Variants in ATPSCKMT observed in about 807,000 individuals in gnomAD.
ATPSCKMT encodes the protein ATP synthase subunit C lysine N-methyltransferase.
ATPSCKMT carries 24 observed loss-of-function variants against 24.3 expected under a neutral mutation model. That is an observed-to-expected ratio of 0.99 (90% CI 0.71 to 1.39). The LOEUF is 1.39. Ranked by LOEUF, ATPSCKMT falls within the 40% of genes most tolerant of loss-of-function variation. The probability of loss-of-function intolerance (pLI) is 0.00; values close to 1 mark genes in which losing one functional copy is unlikely to be tolerated. For missense variants in ATPSCKMT, 311 were observed against 298.4 expected (o/e 1.04, Z -0.31); for synonymous variants, 95 against 110.5 (o/e 0.86, Z 0.88).
intron 1 of ATPSCKMT, among the ~76,000 whole-genome samples, chr5:10,240,189 G>A (rs1295040298): frequency 3.3e-5 from 5 of 150,486 alleles, no homozygotes; most frequent in Non-Finnish European, 5.9e-5. Flanking sequence ...AGCCGAGATC[G>A]CACCACTGCA....
In ATPSCKMT at chr5:10,226,082, C is replaced by CA. The variant is rs1743865589; in HGVS notation, c.*1358dup. On this transcript the variant is annotated 3_prime_UTR_variant, in exon 5 of 5. Transcript: ENST00000511437. The stretch of plus-strand genomic sequence containing the variant: ...TCCACAACATCACATCCCCTCATCT[C>CA]AGACTCACACAGGTGCTCTCTACAC... 6.6e-6 allele frequency among the ~76,000 whole-genome samples: 1 copy of CA among 152,178 alleles called. No homozygotes were observed.
intron 1 of ATPSCKMT, 162 bp downstream of exon 1, chr5:10,249,696 C>T: frequency 5.2e-6 from 6 of 1,157,556 alleles, no homozygotes; most frequent in African/African-American, 1.6e-5. Flanking sequence ...CACCGCGCGG[C>T]GACCAGGAGC....
At chr5:10,246,224 G>C (rs568975509) in intron 1 of ATPSCKMT, among the ~76,000 whole-genome samples, 110 of 152,148 alleles carry the variant, frequency 7.2e-4, no homozygotes, top group African/African-American at 2.6e-3. Flanking sequence ...GAGGTCAGGA[G>C]TTCCAGACCA....
chr5:10,236,945 G>C (rs775613294), intron 2 of ATPSCKMT: 1 of 1,335,110 alleles, frequency 7.5e-7, no homozygotes, highest in African/African-American at 1.5e-5. Context: ...AAAATCCACT[G>C]CATCTCTCCA....
At chr5:10,248,155 CTGTT>C (rs1191794779) in intron 1 of ATPSCKMT, among the ~76,000 whole-genome samples, 1 of 152,214 alleles carries the variant, frequency 6.6e-6, no homozygotes, top group East Asian at 1.9e-4. Flanking sequence ...ATGTGCATAC[CTGTT>C]TAATAACTAC....
intron 2 of ATPSCKMT, 81 bp downstream of exon 2, chr5:10,238,986 T>C (rs1744498793): frequency 6.8e-7 from 1 of 1,479,828 alleles, no homozygotes; most frequent in African/African-American, 1.4e-5. Context: ...TTTAGTTAAG[T>C]CTTTGTGTAA....
At chr5:10,232,574 G>T (rs897448438) in intron 4 of ATPSCKMT, among the ~76,000 whole-genome samples, 4 of 152,260 alleles carry the variant, frequency 2.6e-5, no homozygotes, top group African/African-American at 9.6e-5. Flanking sequence ...GGACTGCCTT[G>T]CAGAGGAAAA....
intron 2 of ATPSCKMT, among the ~76,000 whole-genome samples, chr5:10,237,993 C>T (rs551755946): frequency 6.6e-6 from 1 of 152,322 alleles, no homozygotes; most frequent in Non-Finnish European, 1.5e-5. Context: ...GATCTGCCCA[C>T]CTCAGCCTCC....
chr5:10,237,114 A>C, intron 2 of ATPSCKMT: 1 of 981,274 alleles, frequency 1.0e-6, no homozygotes, highest in African/African-American at 1.7e-5. Flanking sequence ...AACTGAAAAC[A>C]GGTAAAAGTA....
At chr5:10,236,319 T>C (rs1413656159) in intron 3 of ATPSCKMT, 159 bp downstream of exon 3, 3 of 895,248 alleles carry the variant, frequency 3.4e-6, no homozygotes, top group Non-Finnish European at 4.8e-6. Flanking sequence ...GGAGACTATT[T>C]GTAAAACGTA....
At chr5:10,244,112 G>A (rs953333908) in intron 1 of ATPSCKMT, among the ~76,000 whole-genome samples, 1 of 152,198 alleles carries the variant, frequency 6.6e-6, no homozygotes, top group Non-Finnish European at 1.5e-5. Context: ...AGGAGATGGA[G>A]AGAGATAGAG....
At chr5:10,237,814 T>C (rs997254719) in intron 2 of ATPSCKMT, among the ~76,000 whole-genome samples, 1 of 152,176 alleles carries the variant, frequency 6.6e-6, no homozygotes, top group African/African-American at 2.4e-5. Flanking sequence ...TGGCGTGATC[T>C]TGGCTCACTT....
chr5:10,232,730 C>T (rs1401050260), intron 4 of ATPSCKMT, among the ~76,000 whole-genome samples: 1 of 152,198 alleles, frequency 6.6e-6, no homozygotes. Context: ...AGGGCTGGTG[C>T]AGAGAGCTGA....
intron 1 of ATPSCKMT, among the ~76,000 whole-genome samples, chr5:10,244,954 C>T (rs1744831304): frequency 6.6e-6 from 1 of 151,414 alleles, no homozygotes; most frequent in African/African-American, 2.4e-5. Context: ...GTACATGTGT[C>T]ATGCCCTCTG....
Position 10,227,297 on chromosome 5 carries a change from G to T in ATPSCKMT, c.*144C>A. Reference sequence around the variant, plus strand: ...TAAATCTACCTGTTTTTCTTCGTTTGTTTTCTCCAACAGTTAAGGAAAGTA... The same window carrying T: ...TAAATCTACCTGTTTTTCTTCGTTTTTTTTCTCCAACAGTTAAGGAAAGTA... On this transcript the variant is annotated 3_prime_UTR_variant, in exon 5 of 5. Transcript: ENST00000511437. 1 of 856,040 alleles carries T rather than the reference G, an allele frequency of 1.2e-6. No individual in the cohort carries two copies. The allele number at this position is 856,040 out of a possible 1,614,324, so 53.0% of individuals were successfully genotyped here.
At chr5:10,244,880 C>T (rs1335567359) in intron 1 of ATPSCKMT, among the ~76,000 whole-genome samples, 1 of 149,782 alleles carries the variant, frequency 6.7e-6, no homozygotes, top group East Asian at 2.0e-4. Context: ...TACATTCCAG[C>T]CTGGACAACT....
chr5:10,239,649 G>A (rs564012606), intron 1 of ATPSCKMT, among the ~76,000 whole-genome samples: 2 of 152,062 alleles, frequency 1.3e-5, no homozygotes, highest in South Asian at 2.1e-4. Flanking sequence ...CAAACTTATC[G>A]AGTAATTTAT....
intron 1 of ATPSCKMT, among the ~76,000 whole-genome samples, chr5:10,240,606 G>C (rs762794670): frequency 3.3e-5 from 5 of 152,120 alleles, no homozygotes; most frequent in Non-Finnish European, 5.9e-5. Context: ...GATGAAATGA[G>C]TGTATGGAGG....
intron 1 of ATPSCKMT, 98 bp from the exon 2 acceptor site, chr5:10,239,454 CT>C (rs1744527382): frequency 9.4e-7 from 1 of 1,068,326 alleles, no homozygotes; most frequent in African/African-American, 1.6e-5. Context: ...CAAACTCATG[CT>C]TTTTAAAGGA....
Sources: allele counts gnomAD v4.1 joint callset (sites outside exome capture counted in the v4.1 genomes callset), GRCh38; gene constraint gnomAD v4.1.1; transcripts MANE v1.5; gene names NCBI Gene and HGNC (gene_info 2026-07-23, HGNC 2026-07-21).